Variants in NCOR2 observed in about 807,000 individuals in gnomAD.
NCOR2 encodes the protein nuclear receptor corepressor 2.
Under a neutral mutation model 262.9 loss-of-function variants are expected in NCOR2, and 81 were observed. That is an observed-to-expected ratio of 0.31 (90% CI 0.26 to 0.37). The LOEUF (loss-of-function observed/expected upper bound fraction) is 0.37. Ranked by LOEUF, NCOR2 falls within the 10% of genes least tolerant of loss-of-function variation. NCOR2 has a pLI of 1.00. For missense variants in NCOR2, 3,385 were observed against 3,621.4 expected, an observed-to-expected ratio of 0.93 and a Z score of 1.68; for synonymous variants, 1,659 against 1,559.3, an observed-to-expected ratio of 1.06 and a Z score of -1.51.
At chr12:124,364,697 C>T (rs1236223276) in intron 20 of NCOR2, among the ~76,000 whole-genome samples, 1 of 152,194 alleles carries the variant, frequency 6.6e-6, no homozygotes, top group Non-Finnish European at 1.5e-5. Context: ...CTGCCATAAT[C>T]CCCATCTGGC....
rs138606456 is a variant in NCOR2, at chr12:124,385,428, C to T, written c.2019+317G>A. On this transcript the variant is annotated intron_variant, in intron 17 of 46. Transcript: ENST00000405201. ...CTGGCTGAGTCAGTCTGGTCCACCG[C>T]GCTCCTTCCCCCACACCGTGAGACA... Among the ~76,000 whole-genome samples, 17 of 152,296 alleles carry T rather than the reference C, an allele frequency of 1.1e-4. No individual in the cohort carries two copies. In the East Asian group the frequency reaches 3.1e-3, roughly 28 times the overall value.
intron 13 of NCOR2, among the ~76,000 whole-genome samples, chr12:124,412,151 G>T (rs916147888): frequency 3.9e-5 from 6 of 152,278 alleles, no homozygotes; most frequent in Admixed American, 2.0e-4. Flanking sequence ...CACAGCGCGG[G>T]TCTGAGTCCA....
At chr12:124,364,182 G>GC (rs1191396579) in intron 20 of NCOR2, among the ~76,000 whole-genome samples, 2 of 152,204 alleles carry the variant, frequency 1.3e-5, no homozygotes, top group Admixed American at 1.3e-4. Flanking sequence ...TCCCAGAGAA[G>GC]CCCAGACCTG....
rs544369126 is a variant in NCOR2 at position 124,440,433 on chromosome 12, C to A, written c.816-2437G>T. On this transcript the variant is annotated intron_variant, in intron 7 of 46. Transcript: ENST00000405201. The surrounding 1 kb of genome is among the most constrained non-coding windows in gnomAD (Gnocchi z 5.7). ...ATCAGTCTGGCCGCCGCCCCCCGGC[C>A]AGGGTGGGCCATGGGGGTCCTCAGT... Among the ~76,000 whole-genome samples, 2 of 152,332 alleles carry A rather than the reference C, an allele frequency of 1.3e-5. No individual in the cohort carries two copies. Among genetic ancestry groups the A allele is most frequent in the South Asian group, 4.1e-4 (2 of 4,826 alleles).
chr12:124,459,328 C>A (rs1175833832), intron 5 of NCOR2, among the ~76,000 whole-genome samples: 1 of 152,120 alleles, frequency 6.6e-6, no homozygotes, highest in Non-Finnish European at 1.5e-5. Flanking sequence ...CCACAGGGAG[C>A]CCCACCTCCT....
upstream of NCOR2, among the ~76,000 whole-genome samples, chr12:124,536,497 G>A (rs1245829435): frequency 6.6e-6 from 1 of 152,216 alleles, no homozygotes; most frequent in Non-Finnish European, 1.5e-5. Flanking sequence ...ACAGCAGACA[G>A]GCAAAAGACA....
At chr12:124,498,449 C>A (rs1360656325), upstream of NCOR2, among the ~76,000 whole-genome samples, 1 of 152,208 alleles carries the variant, frequency 6.6e-6, no homozygotes, top group South Asian at 2.1e-4. Flanking sequence ...CCCCACCCAG[C>A]GCCTCACATG....
At chr12:124,370,347 A>C (rs1038387605) in intron 20 of NCOR2, among the ~76,000 whole-genome samples, 1 of 152,132 alleles carries the variant, frequency 6.6e-6, no homozygotes. Flanking sequence ...TGTTTTGTGG[A>C]ACCTATAGAG....
chr12:124,360,192 G>A (rs150353577), intron 22 of NCOR2, among the ~76,000 whole-genome samples: 28 of 152,290 alleles, frequency 1.8e-4, no homozygotes, highest in South Asian at 4.1e-4. Context: ...GCTCCTTCCC[G>A]GGCTGGCGCC....
chr12:124,383,904 G>A (rs960453052), intron 17 of NCOR2, among the ~76,000 whole-genome samples: 1 of 152,186 alleles, frequency 6.6e-6, no homozygotes, highest in Non-Finnish European at 1.5e-5. Flanking sequence ...CTCAGGTTTT[G>A]GAGTCTCTAG....
chr12:124,407,663 G>A (rs889861800), intron 13 of NCOR2, among the ~76,000 whole-genome samples: 2 of 152,248 alleles, frequency 1.3e-5, no homozygotes, highest in Non-Finnish European at 2.9e-5. Context: ...CACCCACGTA[G>A]GGGTTGATGA....
At position 124,342,908 on chromosome 12, in the gene NCOR2, G is replaced by T; in HGVS notation, c.4936+97C>A. 3 of 1,343,202 alleles carry T rather than the reference G, an allele frequency of 2.2e-6. No homozygotes were observed. In the South Asian group the frequency reaches 4.1e-5, roughly 18 times the overall value. The allele number at this position is 1,343,202 out of a possible 1,614,324, so 83.2% of individuals were successfully genotyped here. A position where few individuals can be genotyped will look rare whatever the true frequency, so the allele number is the denominator to read the frequency against. ...TCAGTTTCGCCATCCAGGGGAACCT[G>T]ACAGTTGATGCCTAAGGAGTCCCTG... On this transcript the variant is annotated intron_variant, in intron 33 of 46. Coordinates refer to ENST00000405201, the Ensembl canonical transcript of NCOR2.
At chr12:124,424,827 G>A (rs904011748) in intron 11 of NCOR2, among the ~76,000 whole-genome samples, 1 of 152,188 alleles carries the variant, frequency 6.6e-6, no homozygotes, top group Non-Finnish European at 1.5e-5. Context: ...CCGGGTGAAC[G>A]TCGGGCAGTG....
chr12:124,395,620 C>T (rs1166266132), intron 16 of NCOR2, among the ~76,000 whole-genome samples: 1 of 152,194 alleles, frequency 6.6e-6, no homozygotes, highest in East Asian at 1.9e-4. Context: ...GCCGTCCTCC[C>T]AGCCTCCGGA....
chr12:124,445,371 C>T (rs1249412559), intron 7 of NCOR2, among the ~76,000 whole-genome samples: 1 of 152,202 alleles, frequency 6.6e-6, no homozygotes, highest in Non-Finnish European at 1.5e-5. Context: ...CTCCCTCCTG[C>T]AGCAGGGGAC....
intron 29 of NCOR2, 109 bp downstream of exon 31, chr12:124,348,065 G>C: frequency 1.3e-6 from 2 of 1,540,942 alleles, no homozygotes; most frequent in Non-Finnish European, 8.8e-7. Flanking sequence ...CCTCCAGATG[G>C]AGCCTCAGAA....
intron 31 of NCOR2, 110 bp downstream of exon 33, chr12:124,346,454 G>A (rs1385368281): frequency 9.1e-6 from 11 of 1,208,114 alleles, no homozygotes; most frequent in South Asian, 3.7e-5. Flanking sequence ...TGTAAGGTAC[G>A]CGAGGGCTCT....
chr12:124,537,547 C>T (rs1354363353), upstream of NCOR2, among the ~76,000 whole-genome samples: 4 of 152,252 alleles, frequency 2.6e-5, no homozygotes, highest in African/African-American at 9.6e-5. Flanking sequence ...GATTCCCCAT[C>T]TCTAAAATGG....
At chr12:124,563,843 T>C (rs1330744221) in intron 1 of NCOR2, among the ~76,000 whole-genome samples, 1 of 152,204 alleles carries the variant, frequency 6.6e-6, no homozygotes, top group Non-Finnish European at 1.5e-5. Flanking sequence ...GAAACATCAT[T>C]TCTTTCTTCA....
Sources: allele counts gnomAD v4.1 joint callset (sites outside exome capture counted in the v4.1 genomes callset), GRCh38; gene constraint gnomAD v4.1.1; non-coding constraint Gnocchi (gnomAD v3.1); transcripts MANE v1.5; gene names NCBI Gene and HGNC (gene_info 2026-07-23, HGNC 2026-07-21).